The following LRPPRC variants were observed in gnomAD, a reference collection of about 807,000 sequenced individuals.
LRPPRC encodes leucine rich pentatricopeptide repeat containing, also known as leucine-rich PPR motif-containing protein, mitochondrial.
A neutral mutation model predicts 180.3 loss-of-function variants in LRPPRC; 120 were observed. The observed-to-expected ratio is 0.67, with a 90% confidence interval of 0.57 to 0.77. The LOEUF is 0.77. LRPPRC is among the 30% of genes least tolerant of loss of function. The probability of loss-of-function intolerance (pLI) is 0.00; values close to 1 mark genes in which losing one functional copy is unlikely to be tolerated. For missense variants in LRPPRC, 2,012 were observed against 1,657.2 expected, an observed-to-expected ratio of 1.21 and a Z score of -3.72; for synonymous variants, 723 against 600.0, an observed-to-expected ratio of 1.21 and a Z score of -3.00.
rs781632591 is a variant in LRPPRC, at chr2:43,974,605, T to C, written c.1009+9A>G. ...TAAAAATCATGTAAATAGATTTTTT[T>C]AAAACTACCTGGAATATATCTTCTT... On this transcript the variant is annotated intron_variant, in intron 8 of 37. Coordinates refer to ENST00000260665, the MANE Select transcript of LRPPRC (RefSeq NM_133259.4). 1 of 1,542,430 alleles carries C rather than the reference T, an allele frequency of 6.5e-7. No homozygotes were observed. Among genetic ancestry groups the C allele is most frequent in the East Asian group, 2.3e-5 (1 of 44,348 alleles).
chr2:43,971,535 G>GA (rs1228722217), intron 11 of LRPPRC, among the ~76,000 whole-genome samples: 40 of 72,376 alleles, frequency 5.5e-4, no homozygotes, highest in African/African-American at 1.2e-3. Flanking sequence ...TTTTTTAAAA[G>GA]AAAAAAAAAA....
intron 14 of LRPPRC, among the ~76,000 whole-genome samples, chr2:43,952,010 A>G (rs1374037582): frequency 6.6e-6 from 1 of 152,208 alleles, no homozygotes; most frequent in African/African-American, 2.4e-5. Flanking sequence ...CCTGACTAAC[A>G]TGGAGAAACC....
At chr2:43,905,624 C>G (rs561469167) in intron 31 of LRPPRC, 68 bp downstream of exon 31, 1 of 1,114,836 alleles carries the variant, frequency 9.0e-7, no homozygotes, top group African/African-American at 1.5e-5. Flanking sequence ...TCCAAGTATT[C>G]GAAGGGCGTT....
Position 43,947,381 on chromosome 2 carries a change from GAAAAAAGA to G in LRPPRC, c.1966-19_1966-12del. 1 of 1,362,030 alleles carries G rather than the reference GAAAAAAGA, an allele frequency of 7.3e-7. No homozygotes were observed. Among genetic ancestry groups the G allele is most frequent in the African/African-American group, 1.4e-5 (1 of 69,948 alleles). The allele number at this position is 1,362,030 out of a possible 1,614,324, so 84.4% of individuals were successfully genotyped here. On this transcript the variant is annotated splice_polypyrimidine_tract_variant and intron_variant, in intron 19 of 37. Transcript: ENST00000260665. ...TGTAAGTTGCACAGTCTACAGAAAA[GAAAAAAGA>G]AAAGAAAAATTTCCTGAAAAAGGAA...
rs367744976 is a variant in LRPPRC, at chr2:43,925,909, C to T, written c.2789G>A (p.Cys930Tyr). Reference sequence around the variant, plus strand: ...AATACAAACCTGATTATTTGCAACACATCTGTCACAAAACCACTGAAGCCT... The same window carrying T: ...AATACAAACCTGATTATTTGCAACATATCTGTCACAAAACCACTGAAGCCT... ...SARLQWFCDR[C>Y]VANNQVETLE... The change falls in exon 26 of 38, where the codon TGT becomes TAT. Residue 930 changes from cysteine to tyrosine, a missense_variant. Transcript: ENST00000260665. The T allele has an allele frequency of 1.1e-5, 18 of 1,612,062 alleles. No homozygotes were observed. The highest frequency in any genetic ancestry group is 1.5e-5 in the Non-Finnish European group (18 of 1,178,096).
At chr2:43,978,446 G>C (rs1249107680) in intron 3 of LRPPRC, among the ~76,000 whole-genome samples, 1 of 152,078 alleles carries the variant, frequency 6.6e-6, no homozygotes, top group East Asian at 1.9e-4. Context: ...ATAACACATT[G>C]TTAATCTTTA....
intron 14 of LRPPRC, among the ~76,000 whole-genome samples, chr2:43,954,040 A>T (rs1673006702): frequency 6.6e-6 from 1 of 152,204 alleles, no homozygotes; most frequent in African/African-American, 2.4e-5. Flanking sequence ...ACTTTTCCAA[A>T]TACCAAACTG....
intron 1 of LRPPRC, among the ~76,000 whole-genome samples, chr2:43,993,816 G>A (rs576619338): frequency 4.3e-4 from 65 of 151,832 alleles, no homozygotes; most frequent in Non-Finnish European, 4.4e-4. Context: ...CAGTGGGACC[G>A]GCATGTTTTG....
In LRPPRC at chr2:43,995,845, G is replaced by A. The variant is rs1427059920; in HGVS notation, c.103C>T (p.His35Tyr). The A allele has an allele frequency of 7.5e-6, 11 of 1,462,062 alleles. No homozygotes were observed. The highest frequency in any genetic ancestry group is 5.1e-5 in the Admixed American group (2 of 39,068). The allele number at this position is 1,462,062 out of a possible 1,614,324, so 90.6% of individuals were successfully genotyped here. The change falls in exon 1 of 38, where the codon CAT (histidine) becomes TAT (tyrosine). Residue 35 changes from histidine to tyrosine, a missense_variant. His to Tyr is a moderately conservative substitution (Grantham distance 83, BLOSUM62 2). Coordinates refer to ENST00000260665, the MANE Select transcript of LRPPRC (RefSeq NM_133259.4). The stretch of plus-strand genomic sequence containing the variant: ...GCGGCGGGCAGATAGGAGGCGGCAT[G>A]CAGCCGGCCCGGGCCGCCAGGGAGG... ...RLLPGGPGRLHAASYLPAARA... is the reference protein window; with the variant it reads ...RLLPGGPGRLYAASYLPAARA...
At position 43,889,806 on chromosome 2, in the gene LRPPRC, A is replaced by C; in HGVS notation, c.4056T>G (p.Asp1352Glu). ...EHLTAKNTKL[D>E]DLFLKRYASL... ...ATGCGTAACGCTTTAGAAACAGATC[A>C]TCCAATTTTGTATTCTTTGCAGTCA... Residue 1352 changes from aspartate (D) to glutamate (E), a missense_variant, in exon 37 of 38, where the codon GAT becomes GAG. Asp to Glu is a conservative substitution (Grantham distance 45, BLOSUM62 2). Coordinates refer to ENST00000260665, the MANE Select transcript of LRPPRC (RefSeq NM_133259.4). The C allele has an allele frequency of 1.9e-6, 3 of 1,610,362 alleles. No homozygotes were observed. Among genetic ancestry groups the C allele is most frequent in the Non-Finnish European group, 2.5e-6 (3 of 1,176,498 alleles).
rs764087602 is a variant in LRPPRC at position 43,905,777 on chromosome 2, C to T, written c.3279G>A (p.Ala1093=). ...GTGTGAAGCCCTTGATGTGGGTCTC[C>T]GCGCTAAAAGAAGCAGACATTTAGA... ...FTQAMEVKAF[A]ETHIKGFTLN... Residue 1093 remains alanine (A), a synonymous_variant, in exon 31 of 38, where the codon GCG becomes GCA. Transcript: ENST00000260665. 39 of 1,604,506 alleles carry T rather than the reference C, an allele frequency of 2.4e-5. No individual in the cohort carries two copies. Among genetic ancestry groups the T allele is most frequent in the Middle Eastern group, 1.6e-4 (1 of 6,064 alleles).
chr2:43,909,172 A>C (rs1218661990), intron 30 of LRPPRC, among the ~76,000 whole-genome samples: 1 of 152,244 alleles, frequency 6.6e-6, no homozygotes, highest in Non-Finnish European at 1.5e-5. Context: ...TTTTCAGTCC[A>C]GCATTATTTT....
At chr2:43,992,488 A>G (rs765364229) in intron 1 of LRPPRC, among the ~76,000 whole-genome samples, 1 of 152,198 alleles carries the variant, frequency 6.6e-6, no homozygotes, top group Non-Finnish European at 1.5e-5. Context: ...CTCATAAAGC[A>G]CCTGTGCTAA....
intron 16 of LRPPRC, among the ~76,000 whole-genome samples, 159 bp from the exon 17 acceptor site, chr2:43,948,677 T>C (rs1175208054): frequency 1.3e-5 from 2 of 152,182 alleles, no homozygotes; most frequent in Non-Finnish European, 1.5e-5. Flanking sequence ...TTATGTGGTT[T>C]GGGAGCACAT....
At chr2:43,900,180 A>G (rs1670835000) in intron 32 of LRPPRC, among the ~76,000 whole-genome samples, 1 of 152,190 alleles carries the variant, frequency 6.6e-6, no homozygotes, top group African/African-American at 2.4e-5. Context: ...AGTTTATACT[A>G]AAAATCTCAG....
At chr2:43,933,381 T>C (rs1045964770) in intron 25 of LRPPRC, among the ~76,000 whole-genome samples, 7 of 152,216 alleles carry the variant, frequency 4.6e-5, no homozygotes, top group Admixed American at 3.3e-4. Flanking sequence ...CTGTATATTT[T>C]TGGAAAACGA....
At position 43,948,127 on chromosome 2, in the gene LRPPRC, T is replaced by C. The variant is rs863224050; in HGVS notation, c.1915A>G (p.Ile639Val). The C allele has an allele frequency of 1.3e-6, 2 of 1,580,944 alleles. No individual in the cohort carries two copies. Among genetic ancestry groups the C allele is most frequent in the South Asian group, 2.2e-5 (2 of 90,394 alleles). ...LLESYHVPELIKDAHLLVESK... is the reference protein window; with the variant it reads ...LLESYHVPELVKDAHLLVESK... Reference sequence around the variant, plus strand: ...GATTGCTATTTCACACACACCTTAATCAATTCAGGAACATGGTAGCTTTCC... The same window carrying C: ...GATTGCTATTTCACACACACCTTAACCAATTCAGGAACATGGTAGCTTTCC... The change falls in exon 18 of 38, where the codon ATT (isoleucine) becomes GTT (valine). Residue 639 changes from isoleucine (I) to valine (V), a missense_variant. Ile to Val is a conservative substitution (Grantham distance 29). Coordinates refer to ENST00000260665, the MANE Select transcript of LRPPRC (RefSeq NM_133259.4).
chr2:43,943,635 A>C, intron 23 of LRPPRC, 52 bp downstream of exon 23: 1 of 1,436,892 alleles, frequency 7.0e-7, no homozygotes, highest in East Asian at 2.3e-5. Flanking sequence ...GAAAATTATT[A>C]GACTCATTCT....
intron 36 of LRPPRC, among the ~76,000 whole-genome samples, chr2:43,894,020 G>A (rs1670592674): frequency 6.6e-6 from 1 of 152,098 alleles, no homozygotes; most frequent in Non-Finnish European, 1.5e-5. Context: ...TGATTGTCTG[G>A]CAATCAGGGA....
Sources: gnomAD v4.1 joint callset for allele counts (sites outside exome capture counted in the v4.1 genomes callset) on GRCh38, gnomAD v4.1.1 for gene constraint, MANE v1.5 for transcripts, NCBI Gene and HGNC (gene_info 2026-07-23, HGNC 2026-07-21) for gene names.